Variants in MAN2B2 observed in about 807,000 individuals in gnomAD.
MAN2B2 encodes mannosidase alpha class 2B member 2.
MAN2B2 carries 106 observed loss-of-function variants against 117.1 expected under a neutral mutation model. The observed-to-expected ratio is 0.90, with a 90% CI of 0.77 to 1.06. The LOEUF is 1.06. Among genes scored for constraint, MAN2B2 ranks in the 50% least tolerant of loss-of-function variants. MAN2B2 has a pLI of 0.00. For missense variants in MAN2B2, 1,326 were observed against 1,381.4 expected (o/e 0.96, Z 0.64); for synonymous variants, 544 against 595.1 (o/e 0.91, Z 1.25).
chr4:6,576,604 T>C lies in MAN2B2; in HGVS notation c.165T>C (p.Asn55=), dbSNP rs762485326. The C allele has an allele frequency of 5.6e-6, 9 of 1,613,418 alleles. No individual in the cohort carries two copies. The Admixed American group carries it at 6.7e-5, about 12-fold the overall frequency. The change falls in exon 2 of 19, where the codon AAT becomes AAC. Residue 55 remains asparagine, a synonymous_variant. Coordinates refer to ENST00000285599, the MANE Select transcript of MAN2B2 (RefSeq NM_015274.3). Reference sequence around the variant, plus strand: ...AAAGCATGCGGGCGTACGCCGCCAATGTCTACACCTCAGTGGTGGAAGAGC... The same window carrying C: ...AAAGCATGCGGGCGTACGCCGCCAACGTCTACACCTCAGTGGTGGAAGAGC... ...VQESMRAYAA[N]VYTSVVEELA...
At chr4:6,620,181 C>T (rs565426145) in intron 18 of MAN2B2, 137 bp downstream of exon 18, 18 of 674,584 alleles carry the variant, frequency 2.7e-5, no homozygotes, top group African/African-American at 2.5e-4. Context: ...ACTCTGAACC[C>T]GCAGCCCTCC....
intron 4 of MAN2B2, among the ~76,000 whole-genome samples, chr4:6,588,611 A>G (rs1726735154): frequency 6.6e-6 from 1 of 152,188 alleles, no homozygotes; most frequent in African/African-American, 2.4e-5. Flanking sequence ...GCTACTCAGG[A>G]GGCTGAGGCA....
intron 10 of MAN2B2, among the ~76,000 whole-genome samples, chr4:6,603,170 G>C (rs1418056175): frequency 6.6e-6 from 1 of 152,162 alleles, no homozygotes; most frequent in African/African-American, 2.4e-5. Context: ...TTAGGTATGG[G>C]GCTGGACTGC....
chr4:6,599,918 C>T (rs1034866722), intron 9 of MAN2B2, among the ~76,000 whole-genome samples: 1 of 152,208 alleles, frequency 6.6e-6, no homozygotes, highest in Non-Finnish European at 1.5e-5. Flanking sequence ...GGCTTCACTG[C>T]CAGGTGGGGA....
intron 11 of MAN2B2, among the ~76,000 whole-genome samples, chr4:6,607,810 C>T (rs1022692321): frequency 5.3e-5 from 8 of 152,142 alleles, no homozygotes; most frequent in African/African-American, 1.2e-4. Flanking sequence ...ACTGCCCGAC[C>T]GTTTTCCAAA....
Position 6,619,958 on chromosome 4 carries a change from C to T in MAN2B2, c.2846C>T (p.Ala949Val). The change falls in exon 18 of 19, where the codon GCA becomes GTA. Residue 949 changes from alanine to valine, a missense_variant. Transcript: ENST00000285599. Reference sequence around the variant, plus strand: ...CTGCAGGCGCTGGGGTCCGTGGTGGCAGTGGAGGAGCGCTCGCTCACAGGG... The same window carrying T: ...CTGCAGGCGCTGGGGTCCGTGGTGGTAGTGGAGGAGCGCTCGCTCACAGGG... ...AVLQALGSVV[A>V]VEERSLTGTW... 1 of 1,613,894 alleles carries T rather than the reference C, an allele frequency of 6.2e-7. No individual in the cohort carries two copies. The highest frequency in any genetic ancestry group is 8.5e-7 in the Non-Finnish European group (1 of 1,179,960).
Position 6,604,943 on chromosome 4 carries a change from C to A in MAN2B2, c.1540-112C>A, listed in dbSNP as rs1428771054. 3.9e-6 allele frequency: 5 copies of A among 1,287,702 alleles called. No homozygotes were observed. In the African/African-American group the frequency reaches 5.9e-5, roughly 15 times the overall value. The allele number at this position is 1,287,702 out of a possible 1,614,324, so 79.8% of individuals were successfully genotyped here. A position where few individuals can be genotyped will look rare whatever the true frequency, so the allele number is the denominator to read the frequency against. Reference sequence around the variant, plus strand: ...AGAACTGGGGGCAGGGAGGAGAAATCGGCAGGATCCGAGAGATGGAAAGAC... The same window carrying A: ...AGAACTGGGGGCAGGGAGGAGAAATAGGCAGGATCCGAGAGATGGAAAGAC... On this transcript the variant is annotated intron_variant, in intron 10 of 18. Coordinates refer to ENST00000285599, the MANE Select transcript of MAN2B2 (RefSeq NM_015274.3).
chr4:6,585,051 C>T (rs927623478), intron 3 of MAN2B2, among the ~76,000 whole-genome samples: 5 of 152,160 alleles, frequency 3.3e-5, no homozygotes, highest in African/African-American at 4.8e-5. Context: ...GTGCTCCCCC[C>T]ACCCTCTGGC....
In MAN2B2 at chr4:6,610,004, T is replaced by G; in HGVS notation, c.2213T>G (p.Met738Arg). The G allele has an allele frequency of 2.5e-6, 4 of 1,614,054 alleles. No individual in the cohort carries two copies. The highest frequency in any genetic ancestry group is 3.4e-6 in the Non-Finnish European group (4 of 1,180,010). ...TACTCAGACAACAACGGCTACCAGA[T>G]GCAGCGGAGGCCCTACGTTTCCTAT... is the stretch of plus-strand genomic sequence containing the variant. ...VIYSDNNGYQ[M>R]QRRPYVSYVN... The change falls in exon 13 of 19, where the codon ATG becomes AGG. Residue 738 changes from methionine to arginine, a missense_variant. Coordinates refer to ENST00000285599, the MANE Select transcript of MAN2B2 (RefSeq NM_015274.3).
chr4:6,606,754 C>A (rs1157905873), intron 11 of MAN2B2, among the ~76,000 whole-genome samples: 1 of 152,158 alleles, frequency 6.6e-6, no homozygotes, highest in Non-Finnish European at 1.5e-5. Flanking sequence ...AGAGTAGGGG[C>A]CATCGGGAGA....
chr4:6,603,453 C>T (rs551989443), intron 10 of MAN2B2, among the ~76,000 whole-genome samples: 3 of 152,208 alleles, frequency 2.0e-5, no homozygotes, highest in Non-Finnish European at 4.4e-5. Context: ...GGGAGGGGCC[C>T]TCGGCTGGAA....
At chr4:6,577,499 C>T (rs193164740) in intron 2 of MAN2B2, among the ~76,000 whole-genome samples, 221 of 152,304 alleles carry the variant, frequency 1.5e-3, no homozygotes, top group African/African-American at 4.9e-3. Flanking sequence ...GCCAGAGTCA[C>T]GGGAAGGAGC....
intron 3 of MAN2B2, among the ~76,000 whole-genome samples, chr4:6,581,304 G>T (rs946508790): frequency 1.3e-5 from 2 of 152,134 alleles, no homozygotes; most frequent in Non-Finnish European, 2.9e-5. Flanking sequence ...TCTCTTAGTT[G>T]CCTCAGAACA....
chr4:6,585,231 G>C (rs535789227), intron 3 of MAN2B2, among the ~76,000 whole-genome samples: 18 of 152,300 alleles, frequency 1.2e-4, no homozygotes, highest in African/African-American at 3.9e-4. Flanking sequence ...TCATAGGTCT[G>C]ACTGCTGCTC....
intron 16 of MAN2B2, among the ~76,000 whole-genome samples, chr4:6,616,031 T>C (rs1711844742): frequency 6.6e-6 from 1 of 152,152 alleles, no homozygotes; most frequent in Non-Finnish European, 1.5e-5. Flanking sequence ...CTCAAACTCC[T>C]GACAGCAGGC....
At chr4:6,619,222 C>T (rs1234063634) in intron 17 of MAN2B2, 2 of 152,328 alleles carry the variant, frequency 1.3e-5, no homozygotes, top group South Asian at 2.1e-4. Flanking sequence ...CAGGCATGTC[C>T]GATGGACCCC....
intron 3 of MAN2B2, among the ~76,000 whole-genome samples, chr4:6,579,034 TACCACC>T (rs1553911318): frequency 5.9e-5 from 2 of 33,780 alleles, no homozygotes; most frequent in East Asian, 9.8e-4. Context: ...CCATCACCAC[TACCACC>T]ATCACCACCA....
Position 6,609,636 on chromosome 4 carries a change from C to T in MAN2B2, c.2007-162C>T, listed in dbSNP as rs527264384. On this transcript the variant is annotated intron_variant, in intron 12 of 18. Transcript: ENST00000285599. ...GGGAACCAGGCTGCTCCCAGCCGCT[C>T]GGGGTCCTGGGTGGTGCTATTGTCC... is the stretch of plus-strand genomic sequence containing the variant. 55 of 891,090 alleles carry T rather than the reference C, an allele frequency of 6.2e-5. No individual in the cohort carries two copies. In the African/African-American group the frequency reaches 7.9e-4, roughly 13 times the overall value. 55.2% of individuals were successfully genotyped at this position (891,090 alleles called of 1,614,324 possible). A position where few individuals can be genotyped will look rare whatever the true frequency, so the allele number is the denominator to read the frequency against.
intron 17 of MAN2B2, 33 bp from the exon 18 acceptor site, chr4:6,619,894 C>A: frequency 6.3e-7 from 1 of 1,584,248 alleles, no homozygotes; most frequent in Non-Finnish European, 8.7e-7. Context: ...GAACTTGGTG[C>A]AGCTCACTCT....
Sources: allele counts gnomAD v4.1 joint callset (sites outside exome capture counted in the v4.1 genomes callset), GRCh38; gene constraint gnomAD v4.1.1; transcripts MANE v1.5; gene names NCBI Gene and HGNC (gene_info 2026-07-23, HGNC 2026-07-21).